The following CCDC85C variants were observed in gnomAD, a reference collection of about 807,000 sequenced individuals.
The protein encoded by CCDC85C is coiled-coil domain containing 85C.
A neutral mutation model predicts 38.3 loss-of-function variants in CCDC85C; 18 were observed. The observed-to-expected ratio is 0.47, with a 90% CI of 0.33 to 0.70. CCDC85C has a LOEUF of 0.70. CCDC85C is among the 30% of genes least tolerant of loss of function. The probability of loss-of-function intolerance (pLI) is 0.03; values close to 1 mark genes in which losing one functional copy is unlikely to be tolerated. For missense variants in CCDC85C, 566 were observed against 621.2 expected, an observed-to-expected ratio of 0.91 and a Z score of 0.94; for synonymous variants, 264 against 293.8, an observed-to-expected ratio of 0.90 and a Z score of 1.04.
rs75585999 is a variant in CCDC85C at position 99,579,859 on chromosome 14, C to G, written c.793+23308G>C. ...ACTAATGAGGAAACTGAGACACACA[C>G]GGTTGTTGGTCGTTAGGCTGTCTAC... On this transcript the variant is annotated intron_variant, in intron 1 of 5. Transcript: ENST00000380243. Among the ~76,000 whole-genome samples the G allele has an allele frequency of 2.7e-3, 413 of 152,208 alleles. 2 individuals are homozygous for G. Among genetic ancestry groups the G allele is most frequent in the African/African-American group, 9.5e-3 (394 of 41,500 alleles).
chr14:99,571,623 T>G (rs1898345866), intron 1 of CCDC85C, among the ~76,000 whole-genome samples: 1 of 152,242 alleles, frequency 6.6e-6, no homozygotes, highest in South Asian at 2.1e-4. Context: ...TAAATGTGCT[T>G]TGTAGAATCT....
chr14:99,574,385 G>A (rs888746930), intron 1 of CCDC85C, among the ~76,000 whole-genome samples: 5 of 151,852 alleles, frequency 3.3e-5, no homozygotes, highest in East Asian at 1.9e-4. Context: ...GCTATATCCC[G>A]GCCACAGCTC....
At position 99,514,475 on chromosome 14, in the gene CCDC85C, T is replaced by A. The variant is rs1383340997; in HGVS notation, c.*771A>T. On this transcript the variant is annotated 3_prime_UTR_variant, in exon 6 of 6. Transcript: ENST00000380243. ...GGCCCTTCCTGTTACTGGCCTGTCA[T>A]GTAAACCACGAAAAGGGACGTGCCT... The A allele has an allele frequency of 1.3e-5, 2 of 151,384 alleles. No individual in the cohort carries two copies. The highest frequency in any genetic ancestry group is 4.9e-5 in the African/African-American group (2 of 40,996). 9.4% of individuals were successfully genotyped at this position (151,384 alleles called of 1,614,324 possible). A position where few individuals can be genotyped will look rare whatever the true frequency, so the allele number is the denominator to read the frequency against.
At position 99,534,662 on chromosome 14, in the gene CCDC85C, A is replaced by G. The variant is rs756721667; in HGVS notation, c.867+1353T>C. 8.5e-6 allele frequency: 6 copies of G among 702,318 alleles called. No homozygotes were observed. The South Asian group carries it at 8.9e-5, about 10-fold the overall frequency. The allele number at this position is 702,318 out of a possible 1,614,324, so 43.5% of individuals were successfully genotyped here. On this transcript the variant is annotated intron_variant, in intron 2 of 5. Transcript: ENST00000380243. ...TTCTCCTGGTGTCACTTCTGCCTAC[A>G]GCTTCCACACACCCTCCTTAGCAAC...
At chr14:99,560,163 A>G (rs1287528019) in intron 1 of CCDC85C, among the ~76,000 whole-genome samples, 1 of 152,124 alleles carries the variant, frequency 6.6e-6, no homozygotes, top group Non-Finnish European at 1.5e-5. Flanking sequence ...TTCAGCCCAG[A>G]GTGGCCTCCA....
chr14:99,501,057 G>T lies in CCDC85C; in HGVS notation c.*14189C>A. Reference sequence around the variant, plus strand: ...GCTGTTTCCTTTTATGTATAAACAGGCTCTGTCATCCAGTTGCCAAGTGAT... The same window carrying T: ...GCTGTTTCCTTTTATGTATAAACAGTCTCTGTCATCCAGTTGCCAAGTGAT... On this transcript the variant is annotated 3_prime_UTR_variant, in exon 6 of 6. Coordinates refer to ENST00000380243, the MANE Select transcript of CCDC85C (RefSeq NM_001144995.2). 1 of 605,626 alleles carries T rather than the reference G, an allele frequency of 1.7e-6. No homozygotes were observed. The highest frequency in any genetic ancestry group is 2.1e-5 in the South Asian group (1 of 48,694). The allele number at this position is 605,626 out of a possible 1,614,324, so 37.5% of individuals were successfully genotyped here. A position where few individuals can be genotyped will look rare whatever the true frequency, so the allele number is the denominator to read the frequency against.
intron 1 of CCDC85C, among the ~76,000 whole-genome samples, chr14:99,565,556 G>A (rs114613233): frequency 3.2e-3 from 490 of 152,322 alleles, no homozygotes; most frequent in African/African-American, 0.011. Flanking sequence ...TGCTCCAGGT[G>A]CATGAACCCA....
chr14:99,567,616 G>A (rs1227812758), intron 1 of CCDC85C, among the ~76,000 whole-genome samples: 1 of 152,216 alleles, frequency 6.6e-6, no homozygotes, highest in Non-Finnish European at 1.5e-5. Flanking sequence ...CTTGAGGTCA[G>A]GAGTTCAAGA....
intron 1 of CCDC85C, among the ~76,000 whole-genome samples, chr14:99,580,930 G>A (rs2054961467): frequency 1.3e-5 from 2 of 152,158 alleles, no homozygotes; most frequent in South Asian, 4.1e-4. Context: ...ATGTGGCAAA[G>A]GCATCAGAGC....
Position 99,603,293 on chromosome 14 carries a change from C to T in CCDC85C, c.667G>A (p.Val223Ile). The T allele has an allele frequency of 7.3e-7, 1 of 1,375,956 alleles. No individual in the cohort carries two copies. The highest frequency in any genetic ancestry group is 9.4e-7 in the Non-Finnish European group (1 of 1,069,462). 85.2% of individuals were successfully genotyped at this position (1,375,956 alleles called of 1,614,324 possible). The change falls in exon 1 of 6, where the codon GTC (valine) becomes ATC (isoleucine). Residue 223 changes from valine to isoleucine, a missense_variant. Around this residue, in one of 3 missense-constraint regions of CCDC85C, gnomAD observed 286 missense variants for 276.4 expected, o/e 1.03. Coordinates refer to ENST00000380243, the MANE Select transcript of CCDC85C (RefSeq NM_001144995.2). This position sits in a 1 kb window ranked among gnomAD's most constrained non-coding sequence, Gnocchi z 7.5. Reference sequence around the variant, plus strand: ...CCGGGGGGCAGCAGCGGGGGTGGGACGTGGTGGTGGTGGTCGGGGCTGCCG... The same window carrying T: ...CCGGGGGGCAGCAGCGGGGGTGGGATGTGGTGGTGGTGGTCGGGGCTGCCG... Reference protein sequence around the residue: ...SGGSPDHHHHVPPPLLPPGPH... With the variant: ...SGGSPDHHHHIPPPLLPPGPH...
At position 99,603,244 on chromosome 14, in the gene CCDC85C, T is replaced by G. The variant is rs2055225741; in HGVS notation, c.716A>C (p.Lys239Thr). The change falls in exon 1 of 6, where the codon AAG (lysine) becomes ACG (threonine). Residue 239 changes from lysine (K) to threonine (T), a missense_variant. Transcript: ENST00000380243. This position sits in a 1 kb window ranked among gnomAD's most constrained non-coding sequence, Gnocchi z 7.5. The part of the protein sequence containing the change: ...PPGPHKAPDG[K>T]AGATRRSLDD... ...CAGGGACCGACGTGTGGCTCCTGCCTTGCCGTCGGGGGCCTTGTGCGGCCC... is the reference window on the plus strand; with the variant it reads ...CAGGGACCGACGTGTGGCTCCTGCCGTGCCGTCGGGGGCCTTGTGCGGCCC... 7.1e-7 allele frequency: 1 copy of G among 1,402,340 alleles called. No homozygotes were observed. Among genetic ancestry groups the G allele is most frequent in the Admixed American group, 3.2e-5 (1 of 31,718 alleles). 86.9% of individuals were successfully genotyped at this position (1,402,340 alleles called of 1,614,324 possible). A position where few individuals can be genotyped will look rare whatever the true frequency, so the allele number is the denominator to read the frequency against.
intron 1 of CCDC85C, among the ~76,000 whole-genome samples, chr14:99,585,998 G>A (rs779795989): frequency 9.9e-5 from 15 of 152,232 alleles, no homozygotes; most frequent in Non-Finnish European, 1.6e-4. Context: ...GTGGCACCCA[G>A]ACCAAGCAGT....
chr14:99,537,073 G>C (rs1897617217), intron 1 of CCDC85C, among the ~76,000 whole-genome samples: 1 of 152,082 alleles, frequency 6.6e-6, no homozygotes, highest in Non-Finnish European at 1.5e-5. Context: ...GCTGTCCCAA[G>C]TACCCCTGTG....
chr14:99,501,710 T>C lies in CCDC85C; in HGVS notation c.*13536A>G. The stretch of plus-strand genomic sequence containing the variant: ...TGAAAACTAATTACTTAGAGCCCAT[T>C]TGGTTTTGCAAAAATATACTTCCTG... On this transcript the variant is annotated 3_prime_UTR_variant, in exon 6 of 6. Coordinates refer to ENST00000380243, the MANE Select transcript of CCDC85C (RefSeq NM_001144995.2). The C allele has an allele frequency of 2.8e-6, 1 of 355,410 alleles. No individual in the cohort carries two copies. Among genetic ancestry groups the C allele is most frequent in the African/African-American group, 2.1e-5 (1 of 47,202 alleles). The allele number at this position is 355,410 out of a possible 1,614,324, so 22.0% of individuals were successfully genotyped here. A position where few individuals can be genotyped will look rare whatever the true frequency, so the allele number is the denominator to read the frequency against.
intron 3 of CCDC85C, 109 bp from the exon 4 acceptor site, chr14:99,517,292 A>C: frequency 1.2e-6 from 1 of 843,314 alleles, no homozygotes; most frequent in Non-Finnish European, 1.8e-6. Flanking sequence ...AGGCAGGAGG[A>C]AAAGGGGACC....
At chr14:99,553,197 C>T (rs1475710776) in intron 1 of CCDC85C, among the ~76,000 whole-genome samples, 1 of 152,170 alleles carries the variant, frequency 6.6e-6, no homozygotes, top group Non-Finnish European at 1.5e-5. Flanking sequence ...ACTGAGCCGC[C>T]GAGAGGATGC....
intron 1 of CCDC85C, among the ~76,000 whole-genome samples, chr14:99,599,385 G>T (rs116926683): frequency 7.9e-5 from 12 of 152,298 alleles, no homozygotes; most frequent in African/African-American, 1.2e-4. Flanking sequence ...TGGGCAGGAG[G>T]GGGGCATGGT....
chr14:99,558,771 T>C lies in CCDC85C; in HGVS notation c.794-22683A>G, dbSNP rs1465026281. Among the ~76,000 whole-genome samples the C allele has an allele frequency of 2.6e-5, 4 of 152,104 alleles. No individual in the cohort carries two copies. The highest frequency in any genetic ancestry group is 5.9e-5 in the Non-Finnish European group (4 of 68,022). ...ACAAGCCAAGGAACACCAGGAGTCATCAGAAGCAGGAAGAGGCAAGGAAGG... is the reference window on the plus strand; with the variant it reads ...ACAAGCCAAGGAACACCAGGAGTCACCAGAAGCAGGAAGAGGCAAGGAAGG... On this transcript the variant is annotated intron_variant, in intron 1 of 5. Coordinates refer to ENST00000380243, the MANE Select transcript of CCDC85C (RefSeq NM_001144995.2). The surrounding 1 kb of genome is among the most constrained non-coding windows in gnomAD (Gnocchi z 4.2).
chr14:99,513,857 A>G lies in CCDC85C; in HGVS notation c.*1389T>C, dbSNP rs1897178584. ...CAGCTGTGGGATCAAAATCCCTGTC[A>G]TGTGCCACACATCACCCCCTCTAGG... On this transcript the variant is annotated 3_prime_UTR_variant, in exon 6 of 6. Coordinates refer to ENST00000380243, the MANE Select transcript of CCDC85C (RefSeq NM_001144995.2). 6.7e-6 allele frequency: 1 copy of G among 149,462 alleles called. No homozygotes were observed. Among genetic ancestry groups the G allele is most frequent in the Non-Finnish European group, 1.5e-5 (1 of 67,220 alleles). 9.3% of individuals were successfully genotyped at this position (149,462 alleles called of 1,614,324 possible). A position where few individuals can be genotyped will look rare whatever the true frequency, so the allele number is the denominator to read the frequency against.
Sources: gnomAD v4.1 joint callset for allele counts (sites outside exome capture counted in the v4.1 genomes callset) on GRCh38, gnomAD v4.1.1 for gene constraint, gnomAD v4.1.1 regional missense constraint, Gnocchi (gnomAD v3.1) non-coding constraint, MANE v1.5 for transcripts, NCBI Gene and HGNC (gene_info 2026-07-23, HGNC 2026-07-21) for gene names.